RRP1B: variants seen among roughly 807,000 people sequenced by gnomAD.
The protein encoded by RRP1B is ribosomal RNA processing protein 1 homolog B.
In RRP1B, 56 loss-of-function variants were observed where a neutral mutation model predicts 80.2. That is an observed-to-expected ratio of 0.70 (90% CI 0.56 to 0.87). The LOEUF (loss-of-function observed/expected upper bound fraction) is 0.87, where lower values mean the gene tolerates loss of function less well. Among genes scored for constraint, RRP1B ranks in the 40% least tolerant of loss-of-function variants. The probability of loss-of-function intolerance (pLI) is 0.00; values close to 1 mark genes in which losing one functional copy is unlikely to be tolerated. For synonymous variants in RRP1B, 351 were observed against 357.6 expected (o/e 0.98, Z 0.21); for missense variants, 807 against 939.8 (o/e 0.86, Z 1.85).
At chr21:43,673,173 T>C (rs1240550150) in intron 3 of RRP1B, among the ~76,000 whole-genome samples, 14 of 152,168 alleles carry the variant, frequency 9.2e-5, no homozygotes. Context: ...TTGAACTGAT[T>C]GTGAGGTACC....
At chr21:43,689,212 G>C (rs1440736754) in intron 13 of RRP1B, among the ~76,000 whole-genome samples, 1 of 152,270 alleles carries the variant, frequency 6.6e-6, no homozygotes, top group Non-Finnish European at 1.5e-5. Context: ...CGGCAGAGGG[G>C]AGTGGTAGAG....
chr21:43,671,556 C>T (rs1410761855), intron 2 of RRP1B, among the ~76,000 whole-genome samples: 1 of 151,712 alleles, frequency 6.6e-6, no homozygotes, highest in Admixed American at 6.6e-5. Context: ...TTTGTAGGGA[C>T]TGGGTCTCAT....
Position 43,691,994 on chromosome 21 carries a change from C to T in RRP1B, c.2083+492C>T, listed in dbSNP as rs1278493450. ...AGAAGGAAGCACCTATGTGTCTGTC[C>T]CTCATCCTCAAAGGGCTGTGAGTGG... On this transcript the variant is annotated intron_variant, in intron 15 of 15. Transcript: ENST00000340648. This position sits in a 1 kb window ranked among gnomAD's most constrained non-coding sequence, Gnocchi z 4.2. 1.3e-5 allele frequency among the ~76,000 whole-genome samples: 2 copies of T among 152,124 alleles called. No homozygotes were observed. Among genetic ancestry groups the T allele is most frequent in the Admixed American group, 6.5e-5 (1 of 15,274 alleles).
At chr21:43,681,530 TC>T (rs1171366628) in intron 8 of RRP1B, among the ~76,000 whole-genome samples, 1 of 152,148 alleles carries the variant, frequency 6.6e-6, no homozygotes, top group Non-Finnish European at 1.5e-5. Flanking sequence ...AAAATTTGTA[TC>T]TATCTTTTGG....
At chr21:43,689,840 T>C (rs760224528) in intron 13 of RRP1B, among the ~76,000 whole-genome samples, 2 of 152,256 alleles carry the variant, frequency 1.3e-5, no homozygotes, top group Non-Finnish European at 2.9e-5. Flanking sequence ...GGTCTCTCTC[T>C]GGGTGGCTGT....
At chr21:43,666,790 A>G (rs2082979885) in intron 1 of RRP1B, among the ~76,000 whole-genome samples, 1 of 151,618 alleles carries the variant, frequency 6.6e-6, no homozygotes, top group Non-Finnish European at 1.5e-5. Context: ...AATGTTTTTT[A>G]TGAGCAATCC....
intron 1 of RRP1B, among the ~76,000 whole-genome samples, chr21:43,667,439 G>C (rs958749475): frequency 2.6e-5 from 4 of 152,114 alleles, no homozygotes; most frequent in Non-Finnish European, 5.9e-5. Context: ...GTTTAAGACA[G>C]GGTCTTGCTC....
Position 43,687,619 on chromosome 21 carries a change from C to T in RRP1B, c.1245C>T (p.Gly415=). 6.5e-7 allele frequency: 1 copy of T among 1,533,840 alleles called. No homozygotes were observed. Among genetic ancestry groups the T allele is most frequent in the Non-Finnish European group, 8.7e-7 (1 of 1,144,608 alleles). The part of the protein sequence containing the change: ...KKHHLQPENP[G]PGGAAPSLEQ... ...ACCACCTGCAGCCTGAAAATCCAGG[C>T]CCAGGGGGTGCAGCCCCATCCCTGG... The change falls in exon 13 of 16, where the codon GGC becomes GGT. Residue 415 remains glycine, a synonymous_variant. Coordinates refer to ENST00000340648, the MANE Select transcript of RRP1B (RefSeq NM_015056.3).
At chr21:43,673,105 T>C (rs1455414897) in intron 3 of RRP1B, among the ~76,000 whole-genome samples, 1 of 152,236 alleles carries the variant, frequency 6.6e-6, no homozygotes, top group Non-Finnish European at 1.5e-5. Flanking sequence ...ATGCCACCTA[T>C]AATCAGACAA....
At chr21:43,682,458 A>G (rs189030286) in intron 8 of RRP1B, among the ~76,000 whole-genome samples, 85 of 152,330 alleles carry the variant, frequency 5.6e-4, no homozygotes, top group African/African-American at 2.0e-3. Flanking sequence ...AACACTCTGA[A>G]TTTTTTAAGT....
intron 8 of RRP1B, among the ~76,000 whole-genome samples, chr21:43,680,468 G>C (rs1319397138): frequency 6.6e-6 from 1 of 152,086 alleles, no homozygotes; most frequent in East Asian, 1.9e-4. Context: ...GGAGGCTGAG[G>C]CAGGAGAATC....
At chr21:43,676,165 G>A in intron 6 of RRP1B, 107 bp from the exon 7 acceptor site, 1 of 785,510 alleles carries the variant, frequency 1.3e-6, no homozygotes, top group South Asian at 1.7e-5. Flanking sequence ...GACAGGCATT[G>A]CTTGGTCTAA....
At position 43,688,124 on chromosome 21, in the gene RRP1B, G is replaced by A; in HGVS notation, c.1750G>A (p.Gly584Ser). ...KAGPGSLELCGLPSQKTASLK... is the reference protein window; with the variant it reads ...KAGPGSLELCSLPSQKTASLK... ...AGGGCCCGGCAGCCTGGAGCTCTGT[G>A]GCCTGCCCAGCCAGAAAACAGCAAG... The change falls in exon 13 of 16, where the codon GGC (glycine) becomes AGC (serine). Residue 584 changes from glycine to serine, a missense_variant. Coordinates refer to ENST00000340648, the MANE Select transcript of RRP1B (RefSeq NM_015056.3). 1 of 1,594,750 alleles carries A rather than the reference G, an allele frequency of 6.3e-7. No individual in the cohort carries two copies. Among genetic ancestry groups the A allele is most frequent in the Non-Finnish European group, 8.5e-7 (1 of 1,170,846 alleles).
Position 43,663,869 on chromosome 21 carries a change from T to G in RRP1B, c.130+4075T>G, listed in dbSNP as rs148799086. 1.4e-4 allele frequency among the ~76,000 whole-genome samples: 21 copies of G among 152,248 alleles called. No individual in the cohort carries two copies. In the East Asian group the frequency reaches 3.5e-3, roughly 25 times the overall value. Reference sequence around the variant, plus strand: ...GAGCCACTGTACCTGGCCTACCTCATTCATTTTGAAATAAATAAACCTATA... The same window carrying G: ...GAGCCACTGTACCTGGCCTACCTCAGTCATTTTGAAATAAATAAACCTATA... On this transcript the variant is annotated intron_variant, in intron 1 of 15. Coordinates refer to ENST00000340648, the MANE Select transcript of RRP1B (RefSeq NM_015056.3).
intron 1 of RRP1B, 127 bp from the exon 2 acceptor site, chr21:43,669,757 G>T: frequency 1.6e-6 from 1 of 615,694 alleles, no homozygotes; most frequent in South Asian, 2.3e-5. Flanking sequence ...GGAAATGTTT[G>T]CTTCAATTTT....
intron 1 of RRP1B, among the ~76,000 whole-genome samples, chr21:43,668,594 C>T (rs996799162): frequency 8.6e-5 from 13 of 152,002 alleles, no homozygotes; most frequent in Non-Finnish European, 1.3e-4. Context: ...TGGTCTTGAT[C>T]GTCTGACCCC....
chr21:43,672,188 G>A (rs1351268721), intron 2 of RRP1B, 120 bp from the exon 3 acceptor site: 2 of 764,762 alleles, frequency 2.6e-6, no homozygotes, highest in Admixed American at 2.1e-5. Context: ...CTTAGTGGAA[G>A]TGACAAGAGG....
chr21:43,691,322 C>A lies in RRP1B; in HGVS notation c.2020-117C>A. The stretch of plus-strand genomic sequence containing the variant: ...TTGGCCTCTCCCTATATGTGCCACT[C>A]AGTAAGCAGCAGTGTGGGCGGCATA... On this transcript the variant is annotated intron_variant, in intron 14 of 15. Transcript: ENST00000340648. The surrounding 1 kb of genome is among the most constrained non-coding windows in gnomAD (Gnocchi z 4.2). The A allele has an allele frequency of 1.1e-6, 1 of 869,794 alleles. No homozygotes were observed. The highest frequency in any genetic ancestry group is 1.8e-6 in the Non-Finnish European group (1 of 546,178). The allele number at this position is 869,794 out of a possible 1,614,324, so 53.9% of individuals were successfully genotyped here.
intron 1 of RRP1B, among the ~76,000 whole-genome samples, chr21:43,668,700 T>G (rs1444736949): frequency 1.3e-5 from 2 of 152,140 alleles, no homozygotes; most frequent in African/African-American, 4.8e-5. Context: ...TCTTTTGGAG[T>G]ATTAAGATCA....
Sources: allele counts gnomAD v4.1 joint callset (sites outside exome capture counted in the v4.1 genomes callset), GRCh38; gene constraint gnomAD v4.1.1; non-coding constraint Gnocchi (gnomAD v3.1); transcripts MANE v1.5; gene names NCBI Gene and HGNC (gene_info 2026-07-23, HGNC 2026-07-21).